The following CHRM3 variants were observed in gnomAD, a reference collection of about 807,000 sequenced individuals.
CHRM3 encodes the protein cholinergic receptor muscarinic 3.
Under a neutral mutation model 41.8 loss-of-function variants are expected in CHRM3, and 11 were observed. The ratio of observed to expected loss-of-function variants is 0.26; its 90% CI spans 0.17 to 0.44. The LOEUF is 0.44. Ranked by LOEUF, CHRM3 falls within the 20% of genes least tolerant of loss-of-function variation. The probability of loss-of-function intolerance (pLI) is 1.00; values close to 1 mark genes in which losing one functional copy is unlikely to be tolerated. For synonymous variants in CHRM3, 297 were observed against 301.4 expected (o/e 0.99, Z 0.15); for missense variants, 571 against 745.4 (o/e 0.77, Z 2.72).
chr1:239,415,820 A>G (rs1661450343), intron 1 of CHRM3, among the ~76,000 whole-genome samples: 1 of 152,212 alleles, frequency 6.6e-6, no homozygotes, highest in Non-Finnish European at 1.5e-5. Flanking sequence ...CTAGGCACTG[A>G]GGATAATGTT....
chr1:239,598,251 AG>A (rs1316759551), intron 3 of CHRM3, among the ~76,000 whole-genome samples: 1 of 152,100 alleles, frequency 6.6e-6, no homozygotes, highest in African/African-American at 2.4e-5. Context: ...TTTCGCTGCC[AG>A]TCCAGCAGAG....
At chr1:239,620,227 C>A (rs1049492742) in intron 3 of CHRM3, among the ~76,000 whole-genome samples, 6 of 152,086 alleles carry the variant, frequency 3.9e-5, no homozygotes, top group African/African-American at 4.8e-5. Context: ...TTTTAAAATT[C>A]TCTTTGTGAA....
At chr1:239,647,448 C>G (rs992119642) in intron 4 of CHRM3, among the ~76,000 whole-genome samples, 53 of 152,250 alleles carry the variant, frequency 3.5e-4, no homozygotes, top group African/African-American at 1.3e-3. Flanking sequence ...GCCTCTTTCT[C>G]TTTTTTCCTC....
intron 4 of CHRM3, among the ~76,000 whole-genome samples, chr1:239,663,113 C>A (rs1197421270): frequency 6.6e-6 from 1 of 151,710 alleles, no homozygotes; most frequent in African/African-American, 2.4e-5. Context: ...CGGGGCTGTC[C>A]CGGTGCCGGG....
At chr1:239,425,636 C>A (rs989906806) in intron 1 of CHRM3, among the ~76,000 whole-genome samples, 1 of 152,064 alleles carries the variant, frequency 6.6e-6, no homozygotes, top group Non-Finnish European at 1.5e-5. Flanking sequence ...AATAAAGGCA[C>A]GTGGTAAACG....
intron 1 of CHRM3, among the ~76,000 whole-genome samples, chr1:239,454,896 C>T (rs1030750014): frequency 3.3e-5 from 5 of 152,134 alleles, no homozygotes; most frequent in South Asian, 2.1e-4. Flanking sequence ...TGCATGTGTA[C>T]GGGTTGGTGT....
chr1:239,717,340 G>A (rs1184485097), intron 5 of CHRM3, among the ~76,000 whole-genome samples: 4 of 152,062 alleles, frequency 2.6e-5, no homozygotes, highest in African/African-American at 9.7e-5. Flanking sequence ...AGCCATGCTG[G>A]ACATTAACAG....
intron 4 of CHRM3, among the ~76,000 whole-genome samples, chr1:239,650,915 G>A (rs1309318223): frequency 1.3e-5 from 2 of 152,140 alleles, no homozygotes; most frequent in Admixed American, 6.6e-5. Context: ...ATGTAAATAT[G>A]TGTAAATTTA....
intron 5 of CHRM3, among the ~76,000 whole-genome samples, chr1:239,743,792 T>C (rs1478998058): frequency 7.7e-6 from 1 of 129,872 alleles, no homozygotes; most frequent in Admixed American, 7.6e-5. Context: ...TTTTTTCTTT[T>C]TTTTTTTTTT....
intron 5 of CHRM3, chr1:239,720,215 A>G (rs1662825724): frequency 6.6e-6 from 1 of 151,932 alleles, no homozygotes; most frequent in South Asian, 2.1e-4. Context: ...TAACATTTTG[A>G]GATATTGTAT....
intron 2 of CHRM3, among the ~76,000 whole-genome samples, chr1:239,540,895 C>A (rs1260715619): frequency 6.6e-6 from 1 of 152,036 alleles, no homozygotes; most frequent in Non-Finnish European, 1.5e-5. Context: ...ACAGTAGTAA[C>A]AACAGCTACC....
intron 5 of CHRM3, among the ~76,000 whole-genome samples, chr1:239,751,400 A>T (rs2148580401): frequency 6.6e-6 from 1 of 152,330 alleles, no homozygotes; most frequent in South Asian, 2.1e-4. Context: ...AAATACGAGC[A>T]AAATTTCTGA....
intron 1 of CHRM3, among the ~76,000 whole-genome samples, chr1:239,462,832 G>T (rs1043185446): frequency 2.0e-5 from 3 of 152,158 alleles, no homozygotes; most frequent in East Asian, 3.8e-4. Context: ...AAATTCCATA[G>T]TGGGAAGTAC....
chr1:239,610,011 T>A (rs949849112), intron 3 of CHRM3, among the ~76,000 whole-genome samples: 2 of 151,520 alleles, frequency 1.3e-5, no homozygotes, highest in African/African-American at 2.4e-5. Context: ...GCTAACATGG[T>A]GAAACCCCGT....
intron 5 of CHRM3, among the ~76,000 whole-genome samples, chr1:239,729,542 T>C (rs959573382): frequency 1.3e-5 from 2 of 151,932 alleles, no homozygotes; most frequent in Admixed American, 1.3e-4. Flanking sequence ...GTGATAAAAT[T>C]TTGAGCTTTC....
At chr1:239,401,280 C>T (rs755932099) in intron 1 of CHRM3, among the ~76,000 whole-genome samples, 5 of 152,206 alleles carry the variant, frequency 3.3e-5, no homozygotes, top group African/African-American at 4.8e-5. Flanking sequence ...AAACAGAAAT[C>T]TGTGCTCCAT....
chr1:239,789,794 G>T (rs1669194168), intron 5 of CHRM3, among the ~76,000 whole-genome samples: 2 of 152,194 alleles, frequency 1.3e-5, no homozygotes, highest in South Asian at 2.1e-4. Flanking sequence ...CAACATGAGG[G>T]TTGGAAAGAC....
At chr1:239,594,465 A>G (rs193271323) in intron 3 of CHRM3, among the ~76,000 whole-genome samples, 2 of 152,330 alleles carry the variant, frequency 1.3e-5, no homozygotes, top group East Asian at 3.9e-4. Context: ...TTGCACTAGT[A>G]TATAGGTTCT....
At chr1:239,609,256 C>A (rs1042972496) in intron 3 of CHRM3, among the ~76,000 whole-genome samples, 5 of 152,132 alleles carry the variant, frequency 3.3e-5, no homozygotes, top group African/African-American at 1.2e-4. Flanking sequence ...AAACTGTACT[C>A]TTTTTTGATC....
Sources: allele counts gnomAD v4.1 joint callset (sites outside exome capture counted in the v4.1 genomes callset), GRCh38; gene constraint gnomAD v4.1.1; transcripts MANE v1.5; gene names NCBI Gene and HGNC (gene_info 2026-07-23, HGNC 2026-07-21).